The following EXT1 variants were observed in gnomAD, a reference collection of about 807,000 sequenced individuals.
The protein encoded by EXT1 is exostosin-1.
In EXT1, 20 loss-of-function variants were observed where a neutral mutation model predicts 82.5. The ratio of observed to expected loss-of-function variants is 0.24; its 90% CI spans 0.17 to 0.35. The LOEUF (loss-of-function observed/expected upper bound fraction) is 0.35. Among genes scored for constraint, EXT1 ranks in the 10% least tolerant of loss-of-function variants. EXT1 has a pLI of 1.00. For missense variants in EXT1, 757 were observed against 936.5 expected (o/e 0.81, Z 2.50); for synonymous variants, 348 against 350.8 (o/e 0.99, Z 0.09).
intron 1 of EXT1, among the ~76,000 whole-genome samples, chr8:117,856,815 C>T (rs1233775809): frequency 1.3e-5 from 2 of 152,054 alleles, no homozygotes; most frequent in Admixed American, 6.6e-5. Context: ...AAGAAGATGC[C>T]TTCTATGACT....
At chr8:118,078,756 T>A (rs917201972) in intron 1 of EXT1, among the ~76,000 whole-genome samples, 9 of 152,072 alleles carry the variant, frequency 5.9e-5, no homozygotes, top group African/African-American at 2.2e-4. Flanking sequence ...GAGTCATAGA[T>A]GTGTTTAGTT....
chr8:118,006,346 G>A (rs1385243172), intron 1 of EXT1, among the ~76,000 whole-genome samples: 1 of 152,124 alleles, frequency 6.6e-6, no homozygotes, highest in African/African-American at 2.4e-5. Flanking sequence ...AAAAATGTCA[G>A]AATTATATGG....
intron 1 of EXT1, among the ~76,000 whole-genome samples, chr8:117,900,204 C>T (rs1475498721): frequency 6.6e-6 from 1 of 152,170 alleles, no homozygotes; most frequent in Non-Finnish European, 1.5e-5. Flanking sequence ...CCAGAAATGA[C>T]GCCTGAGCTG....
At chr8:117,895,953 C>T (rs7842361) in intron 1 of EXT1, among the ~76,000 whole-genome samples, 17,167 of 152,246 alleles carry the variant, frequency 0.11, 1,233 homozygotes, top group Middle Eastern at 0.19. Context: ...CATTGGCCTA[C>T]CTGATTTACA....
intron 1 of EXT1, among the ~76,000 whole-genome samples, chr8:117,982,615 C>T (rs981593467): frequency 5.9e-5 from 9 of 152,084 alleles, no homozygotes; most frequent in African/African-American, 1.7e-4. Context: ...CTCAGCCTCC[C>T]GAGTACCTGA....
In EXT1 at chr8:118,110,387, G is replaced by A. The variant is rs1411707006; in HGVS notation, c.660C>T (p.Ser220=). 1.2e-6 allele frequency: 2 copies of A among 1,614,190 alleles called. No individual in the cohort carries two copies. The highest frequency in any genetic ancestry group is 2.2e-5 in the South Asian group (2 of 91,080). ...DIGQAMLAKA[S]ISTENFRPNF... ...TGGGTCGGAAGTTTTCAGTACTGAT[G>A]CTGGCTTTGGCCAGCATCGCCTGGC... Residue 220 remains serine (S), a synonymous_variant, in exon 1 of 11, where the codon AGC becomes AGT. Coordinates refer to ENST00000378204, the MANE Select transcript of EXT1 (RefSeq NM_000127.3).
chr8:117,821,299 G>A (rs1004575322), intron 5 of EXT1, among the ~76,000 whole-genome samples: 12 of 152,252 alleles, frequency 7.9e-5, no homozygotes, highest in African/African-American at 2.9e-4. Flanking sequence ...AAGTTTTGCC[G>A]AGTAAGAAGA....
intron 1 of EXT1, among the ~76,000 whole-genome samples, chr8:117,945,563 G>A (rs1040075387): frequency 6.6e-6 from 1 of 152,104 alleles, no homozygotes; most frequent in Admixed American, 6.5e-5. Context: ...GGGCAGTGGT[G>A]TGATCTCGGC....
chr8:118,069,307 C>G (rs1817046209), intron 1 of EXT1, among the ~76,000 whole-genome samples: 1 of 152,142 alleles, frequency 6.6e-6, no homozygotes, highest in South Asian at 2.1e-4. Flanking sequence ...CAAACAGAAT[C>G]AAAGAGTGGT....
chr8:117,968,005 G>T (rs1814857703), intron 1 of EXT1, among the ~76,000 whole-genome samples: 1 of 152,226 alleles, frequency 6.6e-6, no homozygotes, highest in African/African-American at 2.4e-5. Context: ...CATGCAAGAT[G>T]ATAGACATGT....
At position 117,903,267 on chromosome 8, in the gene EXT1, G is replaced by A. The variant is rs185232184; in HGVS notation, c.963-66066C>T. 7.9e-5 allele frequency among the ~76,000 whole-genome samples: 12 copies of A among 152,292 alleles called. No individual in the cohort carries two copies. In the East Asian group the frequency reaches 1.7e-3, roughly 22 times the overall value. Reference sequence around the variant, plus strand: ...CTAAGGTAAAACCCCCAATGCCTTTGAAGATTTTAAGGAAAAGAACAGGGA... The same window carrying A: ...CTAAGGTAAAACCCCCAATGCCTTTAAAGATTTTAAGGAAAAGAACAGGGA... On this transcript the variant is annotated intron_variant, in intron 1 of 10. Coordinates refer to ENST00000378204, the MANE Select transcript of EXT1 (RefSeq NM_000127.3).
chr8:118,013,698 A>G (rs1815947689), intron 1 of EXT1, among the ~76,000 whole-genome samples: 1 of 152,232 alleles, frequency 6.6e-6, no homozygotes, highest in Admixed American at 6.5e-5. Context: ...TTAGCAAATG[A>G]AAATACAGGA....
chr8:118,003,034 T>A (rs557016723), intron 1 of EXT1, among the ~76,000 whole-genome samples: 2 of 152,028 alleles, frequency 1.3e-5, no homozygotes, highest in Non-Finnish European at 2.9e-5. Context: ...TATATATATA[T>A]ACACACACAT....
rs981464198 is a variant in EXT1, at chr8:117,967,999, C to G, written c.963-130798G>C. Among the ~76,000 whole-genome samples the G allele has an allele frequency of 2.0e-5, 3 of 152,204 alleles. No homozygotes were observed. The East Asian group carries it at 5.8e-4, about 29-fold the overall frequency. On this transcript the variant is annotated intron_variant, in intron 1 of 10. Coordinates refer to ENST00000378204, the MANE Select transcript of EXT1 (RefSeq NM_000127.3). ...ACATACAAAAAAATGGGTAGCCATG[C>G]AAGATGATAGACATGTTAACTTGCT... is the stretch of plus-strand genomic sequence containing the variant.
In EXT1 at chr8:118,110,067, G is replaced by A. The variant is rs200638922; in HGVS notation, c.962+18C>T. 9.3e-5 allele frequency: 150 copies of A among 1,613,052 alleles called. 1 individual carries two copies. The highest frequency in any genetic ancestry group is 1.2e-4 in the Non-Finnish European group (143 of 1,180,040). ...GCCCAAGGCTGACTCCCAAAGACACGCCAGCCCAGACACTTACTTCTCATA... is the reference window on the plus strand; with the variant it reads ...GCCCAAGGCTGACTCCCAAAGACACACCAGCCCAGACACTTACTTCTCATA... On this transcript the variant is annotated intron_variant, in intron 1 of 10. Coordinates refer to ENST00000378204, the MANE Select transcript of EXT1 (RefSeq NM_000127.3).
At chr8:118,078,473 C>T (rs571007983) in intron 1 of EXT1, among the ~76,000 whole-genome samples, 28 of 151,738 alleles carry the variant, frequency 1.8e-4, no homozygotes, top group Non-Finnish European at 8.8e-5. Context: ...GTTGAGATTA[C>T]AGGCATGAGC....
intron 3 of EXT1, 139 bp from the exon 4 acceptor site, chr8:117,830,488 T>C (rs961224228): frequency 7.0e-5 from 64 of 912,370 alleles, no homozygotes; most frequent in Non-Finnish European, 1.0e-4. Flanking sequence ...AAATCATCAA[T>C]TCCTAAGTTG....
intron 1 of EXT1, among the ~76,000 whole-genome samples, chr8:118,011,221 A>T (rs1340440783): frequency 6.6e-6 from 1 of 151,812 alleles, no homozygotes; most frequent in African/African-American, 2.4e-5. Context: ...TTAAAAGTGT[A>T]CTCCCTCTGC....
At chr8:118,038,486 G>A (rs1816467073) in intron 1 of EXT1, among the ~76,000 whole-genome samples, 1 of 152,184 alleles carries the variant, frequency 6.6e-6, no homozygotes, top group Admixed American at 6.5e-5. Flanking sequence ...TCTGCTAGCT[G>A]ACTAATGAAA....
Sources: gnomAD v4.1 joint callset for allele counts (sites outside exome capture counted in the v4.1 genomes callset) on GRCh38, gnomAD v4.1.1 for gene constraint, MANE v1.5 for transcripts, NCBI Gene and HGNC (gene_info 2026-07-23, HGNC 2026-07-21) for gene names.